PIGU: variants seen among roughly 807,000 people sequenced by gnomAD.
The protein encoded by PIGU is GPI-anchor transamidase component PIGU.
Under a neutral mutation model 49.9 loss-of-function variants are expected in PIGU, and 24 were observed. The ratio of observed to expected loss-of-function variants is 0.48; its 90% CI spans 0.35 to 0.68. PIGU has a LOEUF of 0.68. PIGU is among the 30% of genes least tolerant of loss of function. The pLI, the probability that PIGU is intolerant of heterozygous loss-of-function variation, is 0.01. For synonymous variants in PIGU, 220 were observed against 205.7 expected, an observed-to-expected ratio of 1.07 and a Z score of -0.59; for missense variants, 490 against 532.6, an observed-to-expected ratio of 0.92 and a Z score of 0.79.
At chr20:34,629,081 G>A (rs1402988529) in intron 6 of PIGU, among the ~76,000 whole-genome samples, 1 of 151,052 alleles carries the variant, frequency 6.6e-6, no homozygotes, top group Non-Finnish European at 1.5e-5. Flanking sequence ...CAGTGGCACA[G>A]TCTCAGCTCA....
intron 7 of PIGU, among the ~76,000 whole-genome samples, chr20:34,608,792 G>C (rs1984709376): frequency 1.3e-5 from 2 of 152,142 alleles, no homozygotes; most frequent in Non-Finnish European, 2.9e-5. Flanking sequence ...TGGCCATTCA[G>C]CCTCTGGCCT....
chr20:34,583,755 C>T (rs932474156), intron 9 of PIGU, among the ~76,000 whole-genome samples: 4 of 152,196 alleles, frequency 2.6e-5, no homozygotes, highest in East Asian at 1.9e-4. Flanking sequence ...GCCAGAGTTC[C>T]GGAGCCTGCC....
intron 6 of PIGU, among the ~76,000 whole-genome samples, chr20:34,623,001 C>T (rs1041872429): frequency 3.3e-5 from 5 of 152,122 alleles, no homozygotes; most frequent in Non-Finnish European, 5.9e-5. Context: ...AATACTTTGC[C>T]TCCAGGGACT....
At chr20:34,631,873 TCTGTTGCCCAGG>T (rs1985794545) in intron 6 of PIGU, among the ~76,000 whole-genome samples, 1 of 142,626 alleles carries the variant, frequency 7.0e-6, no homozygotes, top group African/African-American at 2.6e-5. Context: ...AGGGTCTTGC[TCTGTTGCCCAGG>T]CTACAGTGCA....
chr20:34,581,388 C>T (rs774499366), intron 10 of PIGU, among the ~76,000 whole-genome samples, 160 bp downstream of exon 10: 10 of 152,326 alleles, frequency 6.6e-5, no homozygotes, highest in Middle Eastern at 3.4e-3. Context: ...CACAAGTCCG[C>T]GGCACCTGGA....
At chr20:34,570,517 C>A (rs1391556519) in intron 11 of PIGU, among the ~76,000 whole-genome samples, 1 of 151,962 alleles carries the variant, frequency 6.6e-6, no homozygotes, top group Non-Finnish European at 1.5e-5. Flanking sequence ...AGGGTTCGAG[C>A]AATTCTTCTA....
At chr20:34,604,754 T>C (rs1746887699) in intron 7 of PIGU, among the ~76,000 whole-genome samples, 1 of 152,124 alleles carries the variant, frequency 6.6e-6, no homozygotes, top group Non-Finnish European at 1.5e-5. Context: ...TACCATCACA[T>C]AACCTGACCC....
chr20:34,602,027 A>T (rs1984443195), intron 7 of PIGU, among the ~76,000 whole-genome samples: 2 of 152,256 alleles, frequency 1.3e-5, no homozygotes, highest in Admixed American at 1.3e-4. Flanking sequence ...CACACCTGTA[A>T]TCCCAAAACT....
intron 8 of PIGU, among the ~76,000 whole-genome samples, chr20:34,587,216 T>C (rs770476544): frequency 1.3e-5 from 2 of 152,192 alleles, no homozygotes; most frequent in Non-Finnish European, 2.9e-5. Flanking sequence ...TGGGTTTTAA[T>C]AAGTCCTGCA....
chr20:34,651,799 A>G (rs1986547455), intron 2 of PIGU, among the ~76,000 whole-genome samples: 1 of 152,132 alleles, frequency 6.6e-6, no homozygotes, highest in African/African-American at 2.4e-5. Context: ...TTGGAGTCAG[A>G]TTCGCATTTA....
At chr20:34,638,430 C>T (rs1328387205) in intron 4 of PIGU, among the ~76,000 whole-genome samples, 1 of 152,214 alleles carries the variant, frequency 6.6e-6, no homozygotes, top group Non-Finnish European at 1.5e-5. Context: ...ACTAAGAGTT[C>T]CATGAGGGCA....
intron 1 of PIGU, among the ~76,000 whole-genome samples, chr20:34,660,383 A>G (rs1312076557): frequency 2.0e-5 from 3 of 152,208 alleles, no homozygotes; most frequent in African/African-American, 4.8e-5. Flanking sequence ...TCAGGCGTTC[A>G]AGACCAGCCT....
At chr20:34,616,533 C>T (rs1985013448) in intron 6 of PIGU, among the ~76,000 whole-genome samples, 1 of 152,116 alleles carries the variant, frequency 6.6e-6, no homozygotes. Context: ...GCTGGAAACC[C>T]ATCCCTTTGA....
intron 10 of PIGU, among the ~76,000 whole-genome samples, chr20:34,575,803 A>T (rs1983207377): frequency 6.6e-6 from 1 of 152,096 alleles, no homozygotes; most frequent in Non-Finnish European, 1.5e-5. Context: ...TTAGATGATA[A>T]AGGACCTCTT....
chr20:34,645,033 T>C (rs1291433756), intron 3 of PIGU, among the ~76,000 whole-genome samples: 1 of 151,720 alleles, frequency 6.6e-6, no homozygotes, highest in Non-Finnish European at 1.5e-5. Flanking sequence ...AGTTCCTATG[T>C]TTTTTGTTTT....
chr20:34,608,013 T>C (rs951352079), intron 7 of PIGU, among the ~76,000 whole-genome samples: 3 of 152,050 alleles, frequency 2.0e-5, no homozygotes, highest in Non-Finnish European at 4.4e-5. Flanking sequence ...CATCTGATGA[T>C]GGTCTATGTA....
intron 11 of PIGU, chr20:34,562,429 C>T (rs1982563038): frequency 7.8e-7 from 1 of 1,287,946 alleles, no homozygotes; most frequent in Non-Finnish European, 1.0e-6. Context: ...GGCAGCTTCT[C>T]ACTGACCTGA....
intron 1 of PIGU, among the ~76,000 whole-genome samples, chr20:34,676,375 C>T (rs796716996): frequency 5.3e-5 from 8 of 152,296 alleles, no homozygotes; most frequent in African/African-American, 1.9e-4. Context: ...CTACTTCAGG[C>T]CAACTTCGCT....
intron 6 of PIGU, among the ~76,000 whole-genome samples, chr20:34,620,812 A>AC (rs1226376182): frequency 7.3e-6 from 1 of 137,746 alleles, no homozygotes; most frequent in African/African-American, 2.5e-5. Context: ...AAAAAAACAA[A>AC]AAAAAAACAA....
Sources: allele counts gnomAD v4.1 joint callset (sites outside exome capture counted in the v4.1 genomes callset), GRCh38; gene constraint gnomAD v4.1.1; transcripts MANE v1.5; gene names NCBI Gene and HGNC (gene_info 2026-07-23, HGNC 2026-07-21).